Variants in HSD17B2 observed in about 807,000 individuals in gnomAD.
HSD17B2 encodes hydroxysteroid 17-beta dehydrogenase 2.
In HSD17B2, 32 loss-of-function variants were observed where a neutral mutation model predicts 26.9. That is an observed-to-expected ratio of 1.19 (90% CI 0.90 to 1.60). HSD17B2 has a LOEUF of 1.60. Ranked by LOEUF, HSD17B2 falls within the 40% of genes most tolerant of loss-of-function variation. The pLI is 0.00. For synonymous variants in HSD17B2, 246 were observed against 186.7 expected, an observed-to-expected ratio of 1.32 and a Z score of -2.59; for missense variants, 613 against 468.6, an observed-to-expected ratio of 1.31 and a Z score of -2.85.
At chr16:82,094,466 G>C (rs559766413) in intron 4 of HSD17B2, 2 of 152,320 alleles carry the variant, frequency 1.3e-5, no homozygotes, top group South Asian at 2.1e-4. Context: ...CCCTTGGGTG[G>C]GGATCTGGTA....
rs762597115 is a variant in HSD17B2 at position 82,084,853 on chromosome 16, C to T, written c.665-6049C>T. ...GCTCAAGCGATCCTCCCACTTCAGT[C>T]TCCTGAGTAGCTGGGAATACAGGCA... On this transcript the variant is annotated intron_variant, in intron 3 of 4. Transcript: ENST00000199936. Among the ~76,000 whole-genome samples, 13 of 152,316 alleles carry T rather than the reference C, an allele frequency of 8.5e-5. No individual in the cohort carries two copies. In the East Asian group the frequency reaches 1.3e-3, roughly 16 times the overall value.
chr16:82,036,147 G>C (rs1186653601), intron 1 of HSD17B2, among the ~76,000 whole-genome samples: 1 of 152,120 alleles, frequency 6.6e-6, no homozygotes, highest in Admixed American at 6.6e-5. Flanking sequence ...AAATATTGAA[G>C]GGATTCACTT....
At chr16:82,097,911 C>T in intron 4 of HSD17B2, 164 bp from the exon 5 acceptor site, 1 of 587,842 alleles carries the variant, frequency 1.7e-6, no homozygotes, top group Non-Finnish European at 2.7e-6. Flanking sequence ...GCACTTAAGC[C>T]TGAGAGACAG....
chr16:82,071,668 C>T (rs528086230), intron 3 of HSD17B2: 309 of 195,494 alleles, frequency 1.6e-3, no homozygotes, highest in Non-Finnish European at 2.6e-3. Flanking sequence ...TTTCCAAGAA[C>T]AAATAGTACA....
intron 2 of HSD17B2, among the ~76,000 whole-genome samples, chr16:82,069,900 C>A (rs1395132402): frequency 6.6e-6 from 1 of 152,076 alleles, no homozygotes; most frequent in African/African-American, 2.4e-5. Flanking sequence ...CTGAACAGAT[C>A]CCCCAGACCC....
chr16:82,086,784 A>G (rs1904540062), intron 3 of HSD17B2, among the ~76,000 whole-genome samples: 1 of 152,224 alleles, frequency 6.6e-6, no homozygotes, highest in South Asian at 2.1e-4. Flanking sequence ...CGTGTGGCCT[A>G]AACAACACAA....
Position 82,098,368 on chromosome 16 carries a change from C to G in HSD17B2, c.1096C>G (p.His366Asp), listed in dbSNP as rs116142148. 1 of 1,614,084 alleles carries G rather than the reference C, an allele frequency of 6.2e-7. No individual in the cohort carries two copies. The highest frequency in any genetic ancestry group is 8.5e-7 in the Non-Finnish European group (1 of 1,179,970). Reference protein sequence around the residue: ...IGIYDYFAKRHFGQDKPMPRA... With the variant: ...IGIYDYFAKRDFGQDKPMPRA... ...CATATATGATTACTTTGCTAAAAGA[C>G]ATTTTGGCCAAGACAAGCCCATGCC... The change falls in exon 5 of 5, where the codon CAT (histidine) becomes GAT (aspartate). Residue 366 changes from histidine to aspartate, a missense_variant. Transcript: ENST00000199936.
At chr16:82,072,034 A>G (rs1020735938) in intron 3 of HSD17B2, 7 of 152,212 alleles carry the variant, frequency 4.6e-5, no homozygotes, top group African/African-American at 1.7e-4. Context: ...GGTAATGTGA[A>G]TATCAGTTCT....
At chr16:82,083,971 A>G (rs955049185) in intron 3 of HSD17B2, among the ~76,000 whole-genome samples, 1 of 152,194 alleles carries the variant, frequency 6.6e-6, no homozygotes, top group African/African-American at 2.4e-5. Context: ...TTTCTCTTTG[A>G]GGCCTAAAGT....
rs142971106 is a variant in HSD17B2, at chr16:82,058,853, A to T, written c.266-9317A>T. Among the ~76,000 whole-genome samples the T allele has an allele frequency of 3.5e-3, 534 of 152,336 alleles. 5 individuals carry two copies. Among genetic ancestry groups the T allele is most frequent in the African/African-American group, 0.012 (497 of 41,580 alleles). On this transcript the variant is annotated intron_variant, in intron 1 of 4. Coordinates refer to ENST00000199936, the MANE Select transcript of HSD17B2 (RefSeq NM_002153.3). ...CAGATGGCGGGGCTCAGGGAGGGTG[A>T]TGAATGGGTCCAGGGAGCGAGTACA...
At chr16:82,037,087 C>T (rs116939393) in intron 1 of HSD17B2, among the ~76,000 whole-genome samples, 110 of 152,330 alleles carry the variant, frequency 7.2e-4, no homozygotes, top group Non-Finnish European at 1.3e-3. Flanking sequence ...GAGCCCACAT[C>T]AGCCACTGAA....
chr16:82,097,291 T>G (rs1406123707), intron 4 of HSD17B2: 2 of 151,790 alleles, frequency 1.3e-5, no homozygotes, highest in Admixed American at 1.3e-4. Flanking sequence ...TGTGTGTGTG[T>G]GTATATATAT....
intron 1 of HSD17B2, among the ~76,000 whole-genome samples, chr16:82,067,114 G>A (rs368400933): frequency 1.3e-5 from 2 of 152,158 alleles, no homozygotes; most frequent in East Asian, 3.8e-4. Flanking sequence ...TGTTAGCTTG[G>A]AAGCGAGATC....
At chr16:82,073,172 G>A (rs983145934) in intron 3 of HSD17B2, among the ~76,000 whole-genome samples, 1 of 151,940 alleles carries the variant, frequency 6.6e-6, no homozygotes, top group East Asian at 1.9e-4. Flanking sequence ...TTCATTGAAG[G>A]GAAACTCTGA....
chr16:82,060,043 G>C (rs1193228477), intron 1 of HSD17B2, among the ~76,000 whole-genome samples: 1 of 152,230 alleles, frequency 6.6e-6, no homozygotes, highest in Admixed American at 6.5e-5. Flanking sequence ...CCTGGATTAA[G>C]AGTTGAGCTT....
intron 1 of HSD17B2, among the ~76,000 whole-genome samples, chr16:82,038,324 T>C (rs1037473486): frequency 6.6e-6 from 1 of 152,210 alleles, no homozygotes; most frequent in African/African-American, 2.4e-5. Flanking sequence ...ATTTAAAATG[T>C]ATGTGTGATG....
intron 3 of HSD17B2, among the ~76,000 whole-genome samples, chr16:82,084,053 C>T (rs1904452335): frequency 6.6e-6 from 1 of 152,060 alleles, no homozygotes; most frequent in African/African-American, 2.4e-5. Context: ...CAAAAACAAG[C>T]CCTGCTAAAA....
intron 4 of HSD17B2, 62 bp from the exon 5 acceptor site, chr16:82,098,013 G>T (rs537404533): frequency 4.6e-6 from 7 of 1,531,884 alleles, no homozygotes; most frequent in Non-Finnish European, 5.3e-6. Flanking sequence ...AGAGACAAGC[G>T]CCTGCTCCCT....
At chr16:82,043,251 T>A (rs1597119141) in intron 1 of HSD17B2, among the ~76,000 whole-genome samples, 1 of 152,266 alleles carries the variant, frequency 6.6e-6, no homozygotes, top group East Asian at 1.9e-4. Context: ...ATGTGGGGAC[T>A]GGGGCTCCCC....
Sources: gnomAD v4.1 joint callset for allele counts (sites outside exome capture counted in the v4.1 genomes callset) on GRCh38, gnomAD v4.1.1 for gene constraint, MANE v1.5 for transcripts, NCBI Gene and HGNC (gene_info 2026-07-23, HGNC 2026-07-21) for gene names.